Variants in CNPY2 observed in about 807,000 individuals in gnomAD.
CNPY2 encodes the protein canopy FGF signaling regulator 2.
A neutral mutation model predicts 25.5 loss-of-function variants in CNPY2; 19 were observed. That is an observed-to-expected ratio of 0.74 (90% CI 0.52 to 1.09). The LOEUF is 1.09. Among genes scored for constraint, CNPY2 ranks in the 50% least tolerant of loss-of-function variants. The pLI, the probability that CNPY2 is intolerant of heterozygous loss-of-function variation, is 0.00. For synonymous variants in CNPY2, 82 were observed against 85.0 expected, an observed-to-expected ratio of 0.96 and a Z score of 0.19; for missense variants, 214 against 233.6, an observed-to-expected ratio of 0.92 and a Z score of 0.55.
At chr12:56,314,411 A>G in intron 3 of CNPY2, 1 of 1,048,514 alleles carries the variant, frequency 9.5e-7, no homozygotes, top group Non-Finnish European at 1.2e-6. Context: ...ACACTGCCTT[A>G]TATATTGCTT....
chr12:56,309,990 A>G lies in CNPY2; in HGVS notation c.*562T>C. ...CTTTTCAGCTGAGTTGGTCACATCCATTTTCCCCTTCCTGTCTCTGTTCTT... is the reference window on the plus strand; with the variant it reads ...CTTTTCAGCTGAGTTGGTCACATCCGTTTTCCCCTTCCTGTCTCTGTTCTT... On this transcript the variant is annotated 3_prime_UTR_variant, in exon 6 of 6. Transcript: ENST00000273308. The G allele has an allele frequency of 2.8e-6, 2 of 702,168 alleles. No individual in the cohort carries two copies. The highest frequency in any genetic ancestry group is 3.0e-5 in the South Asian group (2 of 67,566). The allele number at this position is 702,168 out of a possible 1,614,324, so 43.5% of individuals were successfully genotyped here.
Position 56,310,949 on chromosome 12 carries a change from GC to G in CNPY2, c.505+8del, listed in dbSNP as rs1464436462. On this transcript the variant is annotated splice_region_variant and intron_variant, in intron 5 of 5. Coordinates refer to ENST00000273308, the MANE Select transcript of CNPY2 (RefSeq NM_014255.7). ...TACTAGAACAGGAGATAAAGTGGGG[GC>G]AGCTTACCTGTTCGCTTACTGCAAA... The G allele has an allele frequency of 1.2e-6, 2 of 1,612,158 alleles. No homozygotes were observed. Among genetic ancestry groups the G allele is most frequent in the Admixed American group, 3.3e-5 (2 of 59,956 alleles).
intron 5 of CNPY2, 129 bp downstream of exon 5, chr12:56,310,829 G>T: frequency 1.1e-6 from 1 of 939,682 alleles, no homozygotes; most frequent in Non-Finnish European, 1.6e-6. Context: ...AAGTCCCTAA[G>T]CCAAGGGAAA....
chr12:56,315,294 C>G, intron 1 of CNPY2, 52 bp from the exon 2 acceptor site: 1 of 1,065,578 alleles, frequency 9.4e-7, no homozygotes, highest in Non-Finnish European at 1.4e-6. Context: ...CTCCATTTTT[C>G]CCTGACCCCC....
chr12:56,314,591 C>G (rs1873826948), intron 3 of CNPY2: 1 of 1,347,842 alleles, frequency 7.4e-7, no homozygotes, highest in East Asian at 3.1e-5. Flanking sequence ...AAAAACCAGT[C>G]ATGTGGATGT....
In CNPY2 at chr12:56,312,511, T is replaced by C. The variant is rs924315640; in HGVS notation, c.205-1097A>G. ...TGCTGGGATTACAGGTATGAGCCAC[T>C]GTACTTGGCAGTAGTTTCAACTATA... On this transcript the variant is annotated intron_variant, in intron 3 of 5. Coordinates refer to ENST00000273308, the MANE Select transcript of CNPY2 (RefSeq NM_014255.7). 3.9e-5 allele frequency: 6 copies of C among 152,102 alleles called. No homozygotes were observed. In the East Asian group the frequency reaches 1.2e-3, roughly 29 times the overall value. 9.4% of individuals were successfully genotyped at this position (152,102 alleles called of 1,614,324 possible).
Position 56,310,033 on chromosome 12 carries a change from G to C in CNPY2, c.*519C>G, listed in dbSNP as rs1385092621. ...CTGTTCTTGCTGGTCCCTCCATCTGGATGGGCAGGGAAGGAAGAATAATGC... is the reference window on the plus strand; with the variant it reads ...CTGTTCTTGCTGGTCCCTCCATCTGCATGGGCAGGGAAGGAAGAATAATGC... On this transcript the variant is annotated 3_prime_UTR_variant, in exon 6 of 6. Transcript: ENST00000273308. The C allele has an allele frequency of 2.9e-6, 2 of 700,584 alleles. No individual in the cohort carries two copies. The highest frequency in any genetic ancestry group is 3.5e-5 in the African/African-American group (2 of 57,136). 43.4% of individuals were successfully genotyped at this position (700,584 alleles called of 1,614,324 possible).
rs1167521216 is a variant in CNPY2 at position 56,315,915 on chromosome 12, A to C, written c.-120T>G. ...GGCTCCCGAAACTACACCTGGCTGC[A>C]GGGAGCAGGGCTGTCCGGGATTCTC... On this transcript the variant is annotated 5_prime_UTR_variant, in exon 1 of 6. Coordinates refer to ENST00000273308, the MANE Select transcript of CNPY2 (RefSeq NM_014255.7). 1 of 153,044 alleles carries C rather than the reference A, an allele frequency of 6.5e-6. No individual in the cohort carries two copies. The highest frequency in any genetic ancestry group is 1.5e-5 in the Non-Finnish European group (1 of 68,692). The allele number at this position is 153,044 out of a possible 1,614,324, so 9.5% of individuals were successfully genotyped here.
At chr12:56,310,819 A>G in intron 5 of CNPY2, 139 bp downstream of exon 5, 1 of 883,190 alleles carries the variant, frequency 1.1e-6, no homozygotes, top group Non-Finnish European at 1.8e-6. Flanking sequence ...GGAACACCCC[A>G]AGTCCCTAAG....
rs938004787 is a variant in CNPY2, at chr12:56,314,708, A to G, written c.204+143T>C. The stretch of plus-strand genomic sequence containing the variant: ...GCAAGTGCATGGGGAATAAGCCTGC[A>G]GCTTCTTCCAAATGAGACAGAGCCA... On this transcript the variant is annotated intron_variant, in intron 3 of 5. Coordinates refer to ENST00000273308, the MANE Select transcript of CNPY2 (RefSeq NM_014255.7). 3.3e-6 allele frequency: 5 copies of G among 1,513,364 alleles called. No individual in the cohort carries two copies. The African/African-American group carries it at 4.2e-5, about 13-fold the overall frequency. The allele number at this position is 1,513,364 out of a possible 1,614,324, so 93.7% of individuals were successfully genotyped here.
In CNPY2 at chr12:56,311,042, C is replaced by T; in HGVS notation, c.421G>A (p.Val141Met). 1 of 1,614,154 alleles carries T rather than the reference C, an allele frequency of 6.2e-7. No individual in the cohort carries two copies. The highest frequency in any genetic ancestry group is 8.5e-7 in the Non-Finnish European group (1 of 1,180,036). The stretch of plus-strand genomic sequence containing the variant: ...ATGAGTTCATCCTCGTATTCCTCCA[C>T]AATGCTCTCACACTGCCAACCCAAG... ...GTLKFACESIVEEYEDELIEF... is the reference protein window; with the variant it reads ...GTLKFACESIMEEYEDELIEF... The change falls in exon 5 of 6, where the codon GTG becomes ATG. Residue 141 changes from valine (V) to methionine (M), a missense_variant. Transcript: ENST00000273308.
At position 56,311,050 on chromosome 12, in the gene CNPY2, T is replaced by C; in HGVS notation, c.413A>G (p.Glu138Gly). ...DISGTLKFAC[E>G]SIVEEYEDEL... ...ATCCTCGTATTCCTCCACAATGCTC[T>C]CACACTGCCAACCCAAGGGAGAAAT... Residue 138 changes from glutamate to glycine, a missense_variant, in exon 5 of 6, where the codon GAG (glutamate) becomes GGG (glycine). Physicochemically the swap from Glu to Gly is moderately conservative, Grantham distance 98. Coordinates refer to ENST00000273308, the MANE Select transcript of CNPY2 (RefSeq NM_014255.7). 6 of 1,614,072 alleles carry C rather than the reference T, an allele frequency of 3.7e-6. No homozygotes were observed. The highest frequency in any genetic ancestry group is 5.1e-6 in the Non-Finnish European group (6 of 1,179,998).
chr12:56,313,927 G>GTTTTTTTT (rs1245827181), intron 3 of CNPY2, among the ~76,000 whole-genome samples: 95 of 150,168 alleles, frequency 6.3e-4, no homozygotes, highest in African/African-American at 2.1e-3. Flanking sequence ...TCAAGACAGA[G>GTTTTTTTT]TTTTGTTCTT....
Position 56,314,887 on chromosome 12 carries a change from G to C in CNPY2, c.168C>G (p.Phe56Leu). The change falls in exon 3 of 6, where the codon TTC becomes TTG. Residue 56 changes from phenylalanine (F) to leucine (L), a missense_variant. Transcript: ENST00000273308. ...DPKKTIQMGS[F>L]RINPDGSQSV... The stretch of plus-strand genomic sequence containing the variant: ...ACTGGCTGCCATCTGGATTGATCCG[G>C]AAAGATCCCATCTGAATGGTCTTCT... The C allele has an allele frequency of 6.2e-7, 1 of 1,614,220 alleles. No individual in the cohort carries two copies. The highest frequency in any genetic ancestry group is 8.5e-7 in the Non-Finnish European group (1 of 1,180,050).
chr12:56,313,617 T>C (rs546141743), intron 3 of CNPY2, among the ~76,000 whole-genome samples: 1 of 151,976 alleles, frequency 6.6e-6, no homozygotes, highest in South Asian at 2.1e-4. Flanking sequence ...TTTTCTTTTT[T>C]TTTTTTTGAG....
chr12:56,314,539 G>T, intron 3 of CNPY2: 1 of 1,189,008 alleles, frequency 8.4e-7, no homozygotes, highest in Non-Finnish European at 1.0e-6. Flanking sequence ...CTCCGACTCA[G>T]ATTTTGAACG....
intron 1 of CNPY2, 126 bp from the exon 2 acceptor site, chr12:56,315,368 G>A (rs1873879931): frequency 1.6e-6 from 1 of 623,690 alleles, no homozygotes; most frequent in Non-Finnish European, 2.8e-6. Flanking sequence ...TCCAGGAAAT[G>A]GCCGGGACAC....
chr12:56,313,939 T>A (rs1178469820), intron 3 of CNPY2, among the ~76,000 whole-genome samples: 1 of 150,652 alleles, frequency 6.6e-6, no homozygotes, highest in Non-Finnish European at 1.5e-5. Context: ...TTTGTTCTTG[T>A]CAACCAGACT....
chr12:56,310,250 G>A lies in CNPY2; in HGVS notation c.*302C>T, dbSNP rs1010257870. 6.7e-6 allele frequency: 4 copies of A among 598,440 alleles called. No individual in the cohort carries two copies. The African/African-American group carries it at 7.4e-5, about 11-fold the overall frequency. 37.1% of individuals were successfully genotyped at this position (598,440 alleles called of 1,614,324 possible). A position where few individuals can be genotyped will look rare whatever the true frequency, so the allele number is the denominator to read the frequency against. On this transcript the variant is annotated 3_prime_UTR_variant, in exon 6 of 6. Transcript: ENST00000273308. ...TGGGCACTGACTGAAAGCTTATCTA[G>A]TTTATGAGTGGAGTGGAATCTCAGA...
Sources: gnomAD v4.1 joint callset for allele counts (sites outside exome capture counted in the v4.1 genomes callset) on GRCh38, gnomAD v4.1.1 for gene constraint, MANE v1.5 for transcripts, NCBI Gene and HGNC (gene_info 2026-07-23, HGNC 2026-07-21) for gene names.